The following PCNX2 variants were observed in gnomAD, a reference collection of about 807,000 sequenced individuals.
The protein encoded by PCNX2 is pecanex-like protein 2.
PCNX2 carries 168 observed loss-of-function variants against 223.8 expected under a neutral mutation model. The observed-to-expected ratio is 0.75, with a 90% CI of 0.66 to 0.85. The LOEUF is 0.85. PCNX2 is among the 40% of genes least tolerant of loss of function. The pLI is 0.00. For missense variants in PCNX2, 2,507 were observed against 2,675.5 expected, an observed-to-expected ratio of 0.94 and a Z score of 1.39; for synonymous variants, 1,006 against 1,052.6, an observed-to-expected ratio of 0.96 and a Z score of 0.86.
the PCNX2 span, among the ~76,000 whole-genome samples, chr1:233,309,410 G>A: frequency 7.9e-5 from 12 of 151,558 alleles, no homozygotes; most frequent in South Asian, 6.3e-4. Context: ...GCGTGGTGGC[G>A]GCCTCCTGTA....
Position 233,025,324 on chromosome 1 carries a change from T to C in PCNX2, c.4427A>G (p.Lys1476Arg), listed in dbSNP as rs763122330. 1.9e-6 allele frequency: 3 copies of C among 1,614,028 alleles called. No homozygotes were observed. The highest frequency in any genetic ancestry group is 2.5e-6 in the Non-Finnish European group (3 of 1,179,894). The change falls in exon 26 of 34, where the codon AAA (lysine) becomes AGA (arginine). Residue 1476 changes from lysine to arginine, a missense_variant. This residue lies in a region of PCNX2 where 1,372 missense variants were observed against 1,509.4 expected (regional missense o/e 0.91). Transcript: ENST00000258229. Reference protein sequence around the residue: ...DEEDRGCCCCKPGHLPHLLSC... With the variant: ...DEEDRGCCCCRPGHLPHLLSC... ...CAGCAGGTGAGGCAAGTGGCCTGGT[T>C]TGCAGCAGCAGCAGCCTCTGTCCTC...
intron 21 of PCNX2, among the ~76,000 whole-genome samples, chr1:233,111,699 C>G (rs911868530): frequency 6.6e-6 from 1 of 152,188 alleles, no homozygotes; most frequent in Non-Finnish European, 1.5e-5. Context: ...CCACCACACT[C>G]AGCCCCAAAT....
At chr1:233,035,296 G>A (rs751983137) in intron 25 of PCNX2, among the ~76,000 whole-genome samples, 7 of 152,082 alleles carry the variant, frequency 4.6e-5, no homozygotes, top group Non-Finnish European at 7.4e-5. Flanking sequence ...GAAACAAACC[G>A]CAGTTTTTGT....
chr1:233,099,862 C>T (rs1392970691), intron 21 of PCNX2, among the ~76,000 whole-genome samples: 2 of 152,184 alleles, frequency 1.3e-5, no homozygotes, highest in Non-Finnish European at 1.5e-5. Flanking sequence ...GTAAGCAGGG[C>T]CGCAAGCACT....
At chr1:233,265,836 G>A (rs1660303048) in intron 1 of PCNX2, among the ~76,000 whole-genome samples, 1 of 152,144 alleles carries the variant, frequency 6.6e-6, no homozygotes, top group Non-Finnish European at 1.5e-5. Context: ...AAATTGTATA[G>A]GGCTCTTGGG....
intron 9 of PCNX2, chr1:233,232,898 A>G (rs1297563029): frequency 1.0e-6 from 1 of 984,292 alleles, no homozygotes; most frequent in Non-Finnish European, 1.2e-6. Flanking sequence ...CCACTATCAT[A>G]GACTTGCATA....
chr1:233,211,629 C>G (rs1167993542), intron 12 of PCNX2: 1 of 247,574 alleles, frequency 4.0e-6, no homozygotes, highest in East Asian at 1.8e-4. Context: ...AGAAACTGTC[C>G]CAGGCCTCAC....
At chr1:233,085,786 C>G (rs1461681803) in intron 23 of PCNX2, among the ~76,000 whole-genome samples, 1 of 152,160 alleles carries the variant, frequency 6.6e-6, no homozygotes, top group African/African-American at 2.4e-5. Flanking sequence ...CAGAGAGGTT[C>G]TGAGGCTACA....
chr1:233,243,998 A>C (rs146604180), intron 8 of PCNX2, among the ~76,000 whole-genome samples: 1,936 of 152,028 alleles, frequency 0.013, 32 homozygotes, highest in African/African-American at 0.042. Flanking sequence ...TGCCCAGCTA[A>C]TTTTTTATTT....
chr1:233,090,116 C>T lies in PCNX2; in HGVS notation c.4021G>A (p.Val1341Ile), dbSNP rs975463644. ...CTGACATATGATGTGATGAAAATGA[C>T]ACTCCCAAGAAATGGGCTCAATGGG... ...STPLSPFLGS[V>I]IFITSYVRPV... The change falls in exon 23 of 34, where the codon GTC becomes ATC. Residue 1341 changes from valine (V) to isoleucine (I), a missense_variant. Val to Ile is a conservative substitution (Grantham distance 29). Around this residue, in one of 3 missense-constraint regions of PCNX2, gnomAD observed 1,372 missense variants for 1,509.4 expected, o/e 0.91. Transcript: ENST00000258229. 1 of 1,613,720 alleles carries T rather than the reference C, an allele frequency of 6.2e-7. No homozygotes were observed. The highest frequency in any genetic ancestry group is 1.3e-5 in the African/African-American group (1 of 74,870).
Position 232,984,491 on chromosome 1 carries a change from G to T in PCNX2, c.6241-14C>A. The stretch of plus-strand genomic sequence containing the variant: ...CTCGGAGAGGTGCTTCCAAAGAGAA[G>T]AGAGAAACAGTGAACAGCTCAGCAA... On this transcript the variant is annotated splice_polypyrimidine_tract_variant and intron_variant, in intron 33 of 33. Transcript: ENST00000258229. 2.5e-6 allele frequency: 4 copies of T among 1,610,308 alleles called. No individual in the cohort carries two copies. The highest frequency in any genetic ancestry group is 3.4e-6 in the Non-Finnish European group (4 of 1,178,300).
chr1:233,227,862 T>C (rs982084258), intron 9 of PCNX2, among the ~76,000 whole-genome samples: 11 of 152,158 alleles, frequency 7.2e-5, no homozygotes, highest in Non-Finnish European at 1.6e-4. Context: ...GAAATATTTA[T>C]TGAAAAAATC....
chr1:233,103,720 T>C (rs747052890), intron 21 of PCNX2, among the ~76,000 whole-genome samples: 1 of 152,222 alleles, frequency 6.6e-6, no homozygotes, highest in Non-Finnish European at 1.5e-5. Context: ...TCTTGGCTAT[T>C]GTGAATAGTG....
At chr1:233,091,956 C>T (rs1483542656) in intron 22 of PCNX2, among the ~76,000 whole-genome samples, 1 of 151,974 alleles carries the variant, frequency 6.6e-6, no homozygotes, top group Non-Finnish European at 1.5e-5. Context: ...AACTACAGAA[C>T]AATATGCTAC....
chr1:233,119,604 CA>C (rs1262613270), intron 21 of PCNX2, among the ~76,000 whole-genome samples: 1 of 144,514 alleles, frequency 6.9e-6, no homozygotes, highest in Non-Finnish European at 1.5e-5. Flanking sequence ...AAAACAAAAA[CA>C]AAAACAAAAC....
At chr1:233,078,899 T>G (rs1477622964) in intron 23 of PCNX2, among the ~76,000 whole-genome samples, 2 of 152,150 alleles carry the variant, frequency 1.3e-5, no homozygotes, top group Admixed American at 6.5e-5. Context: ...TTTCCATACC[T>G]CACGTGTCAA....
At chr1:233,193,863 C>A (rs1270228970) in intron 15 of PCNX2, among the ~76,000 whole-genome samples, 2 of 151,804 alleles carry the variant, frequency 1.3e-5, no homozygotes, top group East Asian at 1.9e-4. Context: ...AAAACTAAAA[C>A]CCAAAGAAGG....
chr1:233,181,309 C>T (rs1372577409), intron 15 of PCNX2, among the ~76,000 whole-genome samples: 1 of 151,508 alleles, frequency 6.6e-6, no homozygotes, highest in Non-Finnish European at 1.5e-5. Context: ...AAGCAATTCT[C>T]ATACCTCAGC....
intron 9 of PCNX2, 100 bp from the exon 10 acceptor site, chr1:233,227,471 T>A (rs746620518): frequency 2.5e-4 from 253 of 1,022,194 alleles, no homozygotes; most frequent in Non-Finnish European, 3.1e-4. Context: ...CACATATATA[T>A]GTACACCATA....
Sources: gnomAD v4.1 joint callset for allele counts (sites outside exome capture counted in the v4.1 genomes callset) on GRCh38, gnomAD v4.1.1 for gene constraint, gnomAD v4.1.1 regional missense constraint, MANE v1.5 for transcripts, NCBI Gene and HGNC (gene_info 2026-07-23, HGNC 2026-07-21) for gene names.